The following ZNF536 variants were observed in gnomAD, a reference collection of about 807,000 sequenced individuals.
ZNF536 encodes zinc finger protein 536.
A neutral mutation model predicts 84.5 loss-of-function variants in ZNF536; 13 were observed. The ratio of observed to expected loss-of-function variants is 0.15; its 90% CI spans 0.10 to 0.24. ZNF536 has a LOEUF of 0.24. ZNF536 is among the 10% of genes least tolerant of loss of function. ZNF536 has a pLI of 1.00. For synonymous variants in ZNF536, 811 were observed against 742.5 expected, an observed-to-expected ratio of 1.09 and a Z score of -1.50; for missense variants, 1,536 against 1,747.5, an observed-to-expected ratio of 0.88 and a Z score of 2.16.
At chr19:30,455,269 C>CT (rs36080680) in intron 2 of ZNF536, among the ~76,000 whole-genome samples, 9 of 151,158 alleles carry the variant, frequency 6.0e-5, no homozygotes, top group East Asian at 1.9e-4. Flanking sequence ...ACTGTGAACA[C>CT]TTTTTTTTTC....
chr19:30,644,664 G>A (rs535557654), intron 1 of ZNF536, among the ~76,000 whole-genome samples: 223 of 152,098 alleles, frequency 1.5e-3, no homozygotes, highest in Non-Finnish European at 2.6e-3. Context: ...ATGGTTTCCA[G>A]CTTCATCCAT....
At chr19:30,638,394 T>C (rs564080760) in intron 1 of ZNF536, among the ~76,000 whole-genome samples, 2 of 152,298 alleles carry the variant, frequency 1.3e-5, no homozygotes, top group African/African-American at 4.8e-5. Flanking sequence ...TTGCATCTGC[T>C]CAGCTTCTGG....
At chr19:30,261,835 G>A (rs970542420) in intron 1 of ZNF536, among the ~76,000 whole-genome samples, 7 of 152,162 alleles carry the variant, frequency 4.6e-5, no homozygotes, top group African/African-American at 1.7e-4. Flanking sequence ...TGACTGAGGT[G>A]TGGAATGGGC....
intron 1 of ZNF536, among the ~76,000 whole-genome samples, chr19:30,654,851 C>T (rs903247779): frequency 2.0e-5 from 3 of 151,090 alleles, no homozygotes; most frequent in African/African-American, 4.9e-5. Flanking sequence ...CCCCCCCATG[C>T]TGGGCAAAGC....
intron 1 of ZNF536, among the ~76,000 whole-genome samples, chr19:30,616,044 G>A (rs1016681062): frequency 2.0e-5 from 3 of 152,104 alleles, no homozygotes; most frequent in Admixed American, 6.5e-5. Context: ...CAGCCACCTT[G>A]TTAAATTTTC....
At chr19:30,500,953 T>C (rs1190726527) in intron 2 of ZNF536, among the ~76,000 whole-genome samples, 1 of 152,138 alleles carries the variant, frequency 6.6e-6, no homozygotes, top group African/African-American at 2.4e-5. Flanking sequence ...AGCTCAGAGC[T>C]TTGTTGAGGC....
At chr19:30,673,691 G>A (rs1245603543) in intron 1 of ZNF536, among the ~76,000 whole-genome samples, 1 of 152,086 alleles carries the variant, frequency 6.6e-6, no homozygotes, top group Non-Finnish European at 1.5e-5. Context: ...CTGCCTCTGG[G>A]GCACACATCC....
At chr19:30,570,737 T>C (rs2046515886) in intron 1 of ZNF536, among the ~76,000 whole-genome samples, 1 of 152,190 alleles carries the variant, frequency 6.6e-6, no homozygotes, top group South Asian at 2.1e-4. Context: ...TAAAAACCTA[T>C]ATTTTAAGCA....
At chr19:30,644,541 G>A (rs1457683231) in intron 1 of ZNF536, among the ~76,000 whole-genome samples, 3 of 151,836 alleles carry the variant, frequency 2.0e-5, no homozygotes, top group Admixed American at 2.0e-4. Context: ...AACAGGCCTC[G>A]GTGTGTGATG....
At chr19:30,666,167 C>G (rs554632788) in intron 1 of ZNF536, among the ~76,000 whole-genome samples, 1 of 152,336 alleles carries the variant, frequency 6.6e-6, no homozygotes, top group East Asian at 1.9e-4. Flanking sequence ...TGCTCGCTTG[C>G]TGATCACGGC....
chr19:30,678,401 C>T (rs1011639732), intron 1 of ZNF536, among the ~76,000 whole-genome samples: 3 of 152,130 alleles, frequency 2.0e-5, no homozygotes, highest in East Asian at 3.9e-4. Context: ...AGTGCAGAGC[C>T]GATCCAGCCC....
intron 1 of ZNF536, among the ~76,000 whole-genome samples, chr19:30,564,225 C>G (rs534096089): frequency 1.3e-5 from 2 of 152,180 alleles, no homozygotes; most frequent in South Asian, 2.1e-4. Flanking sequence ...CTCCCAGCTA[C>G]TCAGGAGGCT....
At chr19:30,328,010 G>T (rs1385228426) in intron 2 of ZNF536, among the ~76,000 whole-genome samples, 2 of 152,222 alleles carry the variant, frequency 1.3e-5, no homozygotes, top group Non-Finnish European at 2.9e-5. Flanking sequence ...CTCAGATAGG[G>T]TGGAACCTGC....
chr19:30,276,543 T>A (rs969827201), intron 1 of ZNF536, among the ~76,000 whole-genome samples: 4 of 152,202 alleles, frequency 2.6e-5, no homozygotes, highest in East Asian at 1.9e-4. Flanking sequence ...TAGTTTTTTT[T>A]AAATTTTGAT....
chr19:30,694,345 G>T (rs2051561609), intron 1 of ZNF536, among the ~76,000 whole-genome samples: 1 of 152,230 alleles, frequency 6.6e-6, no homozygotes, highest in Admixed American at 6.5e-5. Flanking sequence ...ATTTCACTGG[G>T]TGTGTACAAG....
At chr19:30,383,345 T>G (rs151101147) in intron 1 of ZNF536, among the ~76,000 whole-genome samples, 166 of 152,214 alleles carry the variant, frequency 1.1e-3, no homozygotes, top group African/African-American at 3.8e-3. Context: ...TTTTCAAGAC[T>G]ATGCCTCCTG....
At chr19:30,333,325 G>A (rs961278982) in intron 2 of ZNF536, among the ~76,000 whole-genome samples, 1 of 152,128 alleles carries the variant, frequency 6.6e-6, no homozygotes, top group African/African-American at 2.4e-5. Flanking sequence ...GAGACGTCCG[G>A]GAGTTGCAAG....
chr19:30,482,285 C>T (rs77094415), intron 2 of ZNF536, among the ~76,000 whole-genome samples: 2,274 of 152,248 alleles, frequency 0.015, 26 homozygotes, highest in Non-Finnish European at 0.022. Flanking sequence ...TACTAGTTCT[C>T]GTAACAGGTA....
intron 1 of ZNF536, among the ~76,000 whole-genome samples, chr19:30,564,003 G>A (rs1222822517): frequency 6.6e-6 from 1 of 152,162 alleles, no homozygotes; most frequent in Non-Finnish European, 1.5e-5. Context: ...GGGGGACCAA[G>A]GGAGAGGGAG....
Sources: allele counts gnomAD v4.1 joint callset (sites outside exome capture counted in the v4.1 genomes callset), GRCh38; gene constraint gnomAD v4.1.1; transcripts MANE v1.5; gene names NCBI Gene and HGNC (gene_info 2026-07-23, HGNC 2026-07-21).